The following RANBP2 variants were observed in gnomAD, a reference collection of about 807,000 sequenced individuals.
RANBP2 encodes the protein RAN binding protein 2, also known as E3 SUMO-protein ligase RanBP2.
A neutral mutation model predicts 303.6 loss-of-function variants in RANBP2; 57 were observed. That is an observed-to-expected ratio of 0.19 (90% CI 0.15 to 0.23). The LOEUF (loss-of-function observed/expected upper bound fraction) is 0.23. RANBP2 is among the 10% of genes least tolerant of loss of function. The pLI is 1.00. For missense variants in RANBP2, 3,138 were observed against 3,780.8 expected, an observed-to-expected ratio of 0.83 and a Z score of 4.46; for synonymous variants, 1,167 against 1,301.5, an observed-to-expected ratio of 0.90 and a Z score of 2.23.
At chr2:108,834,035 C>T in the RANBP2 span, among the ~76,000 whole-genome samples, 4 of 150,678 alleles carry the variant, frequency 2.7e-5, no homozygotes, top group Admixed American at 6.6e-5. Context: ...CGTGAGCCAC[C>T]GTGCCCAGCC....
At chr2:109,564,163 C>A in the RANBP2 span, 1 of 424,806 alleles carries the variant, frequency 2.4e-6, no homozygotes, top group Non-Finnish European at 4.0e-6. Context: ...TTGAGTCAGA[C>A]AAGGACTTAA....
chr2:109,284,363 A>C, the RANBP2 span, among the ~76,000 whole-genome samples: 1 of 152,238 alleles, frequency 6.6e-6, no homozygotes, highest in Non-Finnish European at 1.5e-5. Context: ...ATTATCAGAC[A>C]AGCTGCAGGA....
chr2:109,091,836 ATC>A, the RANBP2 span, among the ~76,000 whole-genome samples: 2 of 152,142 alleles, frequency 1.3e-5, no homozygotes, highest in African/African-American at 4.8e-5. Flanking sequence ...ATCACAGGGT[ATC>A]TGTCTGTAAC....
chr2:109,518,666 T>A, the RANBP2 span, among the ~76,000 whole-genome samples: 2 of 152,228 alleles, frequency 1.3e-5, no homozygotes, highest in East Asian at 3.8e-4. Context: ...TAATTTTTTT[T>A]AATGCATTCT....
chr2:109,670,884 T>C, the RANBP2 span, among the ~76,000 whole-genome samples: 1 of 152,148 alleles, frequency 6.6e-6, no homozygotes, highest in Non-Finnish European at 1.5e-5. Flanking sequence ...CTGCTCCTGC[T>C]CCCCAAGGAG....
the RANBP2 span, among the ~76,000 whole-genome samples, chr2:108,991,292 T>C: frequency 2.0e-5 from 3 of 152,256 alleles, no homozygotes; most frequent in African/African-American, 7.2e-5. Context: ...TCATTGCTTA[T>C]CTTCATCATG....
At chr2:109,184,932 A>G in the RANBP2 span, among the ~76,000 whole-genome samples, 3 of 152,112 alleles carry the variant, frequency 2.0e-5, no homozygotes, top group African/African-American at 7.2e-5. Flanking sequence ...AAATATATAC[A>G]TTTTCCATTT....
chr2:109,722,859 A>G, the RANBP2 span, among the ~76,000 whole-genome samples: 1 of 152,122 alleles, frequency 6.6e-6, no homozygotes, highest in South Asian at 2.1e-4. Context: ...TATGTACCAC[A>G]TTTTCTATCA....
chr2:109,305,071 T>C, the RANBP2 span, among the ~76,000 whole-genome samples: 1 of 152,220 alleles, frequency 6.6e-6, no homozygotes, highest in Non-Finnish European at 1.5e-5. Flanking sequence ...CTGAATGTTA[T>C]TTGGGTCCAT....
chr2:109,146,212 A>G, the RANBP2 span, among the ~76,000 whole-genome samples: 193 of 152,290 alleles, frequency 1.3e-3, no homozygotes, highest in Non-Finnish European at 2.3e-3. Context: ...TATTGGAGCT[A>G]ACACTTGTTG....
chr2:109,242,914 T>C, the RANBP2 span, among the ~76,000 whole-genome samples: 6 of 152,146 alleles, frequency 3.9e-5, no homozygotes, highest in Non-Finnish European at 2.9e-5. Flanking sequence ...AGAACAGCAT[T>C]AGGAAATCAG....
chr2:109,268,470 C>T, the RANBP2 span, among the ~76,000 whole-genome samples: 1 of 152,140 alleles, frequency 6.6e-6, no homozygotes, highest in African/African-American at 2.4e-5. Flanking sequence ...GCTGCAGCAG[C>T]TCCTTTCTCC....
At chr2:108,779,855 C>G (rs1678122121) in intron 25 of RANBP2, among the ~76,000 whole-genome samples, 2 of 152,142 alleles carry the variant, frequency 1.3e-5, no homozygotes, top group Admixed American at 1.3e-4. Flanking sequence ...TGCTTTCCAC[C>G]AGCCCAACCA....
At chr2:109,382,536 C>T in the RANBP2 span, among the ~76,000 whole-genome samples, 1 of 152,160 alleles carries the variant, frequency 6.6e-6, no homozygotes, top group South Asian at 2.1e-4. Context: ...CAGCTGTGTC[C>T]CCAGGCCTCA....
the RANBP2 span, among the ~76,000 whole-genome samples, chr2:109,734,903 A>G: frequency 1.3e-5 from 2 of 152,104 alleles, no homozygotes; most frequent in Non-Finnish European, 1.5e-5. Context: ...GCACATGTTT[A>G]TGGGGTACAG....
chr2:109,519,644 C>T, the RANBP2 span, among the ~76,000 whole-genome samples: 221 of 152,240 alleles, frequency 1.5e-3, no homozygotes, highest in African/African-American at 4.3e-3. Flanking sequence ...AGAGCAGACA[C>T]GCATTAAAAA....
the RANBP2 span, among the ~76,000 whole-genome samples, chr2:108,964,548 A>G: frequency 3.3e-5 from 5 of 152,154 alleles, no homozygotes; most frequent in African/African-American, 1.2e-4. Flanking sequence ...GCCCAACCAA[A>G]CCACAGTCAC....
the RANBP2 span, among the ~76,000 whole-genome samples, chr2:109,216,116 A>G: frequency 2.0e-5 from 3 of 152,108 alleles, no homozygotes; most frequent in Non-Finnish European, 4.4e-5. Flanking sequence ...AACCCGGGGG[A>G]CATCGTGAGG....
At position 108,719,552 on chromosome 2, in the gene RANBP2, T is replaced by C. The variant is rs760563493; in HGVS notation, c.-55T>C. The C allele has an allele frequency of 3.8e-6, 6 of 1,569,314 alleles. No individual in the cohort carries two copies. In the East Asian group the frequency reaches 1.4e-4, roughly 37 times the overall value. On this transcript the variant is annotated 5_prime_UTR_variant, in exon 1 of 29. Coordinates refer to ENST00000283195, the MANE Select transcript of RANBP2 (RefSeq NM_006267.5). ...GCGCTTTCCTCTTGGAAGTGGCGAC[T>C]GCTGCGGGCCTGAGCGCTGGTCTCA...
Sources: gnomAD v4.1 joint callset for allele counts (sites outside exome capture counted in the v4.1 genomes callset) on GRCh38, gnomAD v4.1.1 for gene constraint, MANE v1.5 for transcripts, NCBI Gene and HGNC (gene_info 2026-07-23, HGNC 2026-07-21) for gene names.